TMEM217: variants seen among roughly 807,000 people sequenced by gnomAD.
TMEM217 encodes the protein chromosome 6 open reading frame 128.
For synonymous variants in TMEM217, 76 were observed against 88.3 expected, an observed-to-expected ratio of 0.86 and a Z score of 0.78; for missense variants, 204 against 248.8, an observed-to-expected ratio of 0.82 and a Z score of 1.21.
chr6:37,225,592 A>G (rs1220233914), intron 1 of TMEM217, among the ~76,000 whole-genome samples: 1 of 152,202 alleles, frequency 6.6e-6, no homozygotes, highest in Non-Finnish European at 1.5e-5. Flanking sequence ...CTCCCATCCA[A>G]CTAAAACAGA....
intron 1 of TMEM217, among the ~76,000 whole-genome samples, chr6:37,222,388 G>A (rs1282288161): frequency 9.2e-5 from 14 of 152,240 alleles, no homozygotes; most frequent in Admixed American, 9.2e-4. Flanking sequence ...GAGAGGCCAG[G>A]CAGCGGGAGC....
chr6:37,246,334 A>C lies in TMEM217; in HGVS notation c.-12+11234T>G, dbSNP rs551098363. Among the ~76,000 whole-genome samples, 6 of 152,198 alleles carry C rather than the reference A, an allele frequency of 3.9e-5. No homozygotes were observed. The South Asian group carries it at 1.2e-3, about 32-fold the overall frequency. ...AGTCTGGATTTTTGTCTGCTCCCAC[A>C]TGTCTGTTATCTTCCTTGGGCCAGT... On this transcript the variant is annotated intron_variant, in intron 1 of 1. Transcript: ENST00000357219.
chr6:37,215,508 T>C (rs1263101813), downstream of TMEM217, among the ~76,000 whole-genome samples: 1 of 130,244 alleles, frequency 7.7e-6, no homozygotes, highest in Admixed American at 9.6e-5. Flanking sequence ...GAGGTAGAGG[T>C]TGCAGTGAGC....
rs564476052 is a variant in TMEM217 at position 37,218,529 on chromosome 6, G to A, written c.502C>T (p.Arg168Ter). Residue 168 changes from arginine to a stop codon, truncating the protein, a stop_gained, in exon 2 of 2, where the codon CGA becomes TGA. Transcript: ENST00000357219. LOFTEE classifies it low-confidence loss of function (END_TRUNC). ...TGGAGAATCTCCGCTGTAGAAATTC[G>A]TCTCTTGTAGGAAATTATATTGCCC... The A allele has an allele frequency of 1.7e-5, 27 of 1,614,058 alleles. No individual in the cohort carries two copies. The highest frequency in any genetic ancestry group is 6.7e-5 in the African/African-American group (5 of 74,994).
At chr6:37,229,347 T>TTGTTTG (rs1554170992) in intron 1 of TMEM217, among the ~76,000 whole-genome samples, 2 of 131,136 alleles carry the variant, frequency 1.5e-5, no homozygotes, top group African/African-American at 3.0e-5. Context: ...TTTTTTTTTT[T>TTGTTTG]TTTTTTTTTT....
chr6:37,249,850 G>A (rs1765305094), intron 1 of TMEM217, among the ~76,000 whole-genome samples: 1 of 152,200 alleles, frequency 6.6e-6, no homozygotes, highest in Non-Finnish European at 1.5e-5. Context: ...GCAGTATTTT[G>A]CAAAGTTGAA....
intron 1 of TMEM217, among the ~76,000 whole-genome samples, chr6:37,221,093 G>A (rs769902022): frequency 1.3e-5 from 2 of 151,786 alleles, no homozygotes; most frequent in Non-Finnish European, 2.9e-5. Context: ...ATTAAGCAAC[G>A]AATTCCCATT....
intron 1 of TMEM217, among the ~76,000 whole-genome samples, chr6:37,237,613 A>T (rs142844169): frequency 1.2e-3 from 182 of 152,340 alleles, no homozygotes; most frequent in Middle Eastern, 3.4e-3. Context: ...AATCAATAAG[A>T]ATGTTATAGG....
intron 1 of TMEM217, among the ~76,000 whole-genome samples, chr6:37,222,866 C>T (rs1431339467): frequency 6.6e-6 from 1 of 152,244 alleles, no homozygotes. Flanking sequence ...CTAGCCGCGC[C>T]TCCCTGCTGC....
At chr6:37,254,628 A>T (rs1765614842) in intron 1 of TMEM217, among the ~76,000 whole-genome samples, 2 of 152,264 alleles carry the variant, frequency 1.3e-5, no homozygotes, top group Non-Finnish European at 2.9e-5. Context: ...ACATAAAAAT[A>T]TGTGAACAAC....
chr6:37,219,559 G>A (rs1220008043), intron 1 of TMEM217, among the ~76,000 whole-genome samples: 1 of 152,024 alleles, frequency 6.6e-6, no homozygotes, highest in Non-Finnish European at 1.5e-5. Context: ...TGGACAACAT[G>A]GTGAAACCCC....
exon 2 of TMEM217, chr6:37,218,507 A>C: frequency 6.2e-7 from 1 of 1,614,104 alleles, no homozygotes; most frequent in Non-Finnish European, 8.5e-7. Context: ...TCTGCTGTGG[A>C]GAATCTCCGC....
At chr6:37,248,147 G>A (rs910833949) in intron 1 of TMEM217, among the ~76,000 whole-genome samples, 1 of 152,050 alleles carries the variant, frequency 6.6e-6, no homozygotes, top group Non-Finnish European at 1.5e-5. Flanking sequence ...TCCACTCTGT[G>A]TCTTCTTAGG....
intron 1 of TMEM217, among the ~76,000 whole-genome samples, chr6:37,240,609 A>G (rs1583474564): frequency 6.6e-6 from 1 of 152,180 alleles, no homozygotes; most frequent in African/African-American, 2.4e-5. Flanking sequence ...GCAGGGGACT[A>G]TGGGGAGAGG....
At chr6:37,218,893 T>C (rs766884058) in exon 2 of TMEM217, 3 of 1,614,076 alleles carry the variant, frequency 1.9e-6, no homozygotes, top group Non-Finnish European at 2.5e-6. Context: ...TGTACTTTGG[T>C]GTGATCTCAG....
intron 1 of TMEM217, among the ~76,000 whole-genome samples, chr6:37,250,976 G>A (rs1293451468): frequency 6.6e-6 from 1 of 152,198 alleles, no homozygotes; most frequent in African/African-American, 2.4e-5. Flanking sequence ...GGTGATGAAG[G>A]TAGATTACTG....
intron 1 of TMEM217, among the ~76,000 whole-genome samples, chr6:37,238,121 T>C (rs1000410070): frequency 6.6e-6 from 1 of 151,438 alleles, no homozygotes; most frequent in Non-Finnish European, 1.5e-5. Context: ...AACCAGGGAT[T>C]ATGATCAATC....
At chr6:37,257,980 C>T in exon 1 of TMEM217, 6 of 1,613,950 alleles carry the variant, frequency 3.7e-6, no homozygotes, top group Non-Finnish European at 5.1e-6. Flanking sequence ...GGAGGTGAGC[C>T]CAGGACGCTG....
chr6:37,225,009 T>TAA (rs1364051135), intron 1 of TMEM217, among the ~76,000 whole-genome samples: 3 of 132,228 alleles, frequency 2.3e-5, no homozygotes, highest in African/African-American at 8.2e-5. Context: ...CCCATCTCTA[T>TAA]AAAAAAAAAA....
Sources: allele counts gnomAD v4.1 joint callset (sites outside exome capture counted in the v4.1 genomes callset), GRCh38; gene constraint gnomAD v4.1.1; transcripts MANE v1.5; gene names NCBI Gene and HGNC (gene_info 2026-07-23, HGNC 2026-07-21).